MAP3K13: variants seen among roughly 807,000 people sequenced by gnomAD.
MAP3K13 encodes mitogen-activated protein kinase kinase kinase 13, also known as leucine zipper-bearing kinase.
Under a neutral mutation model 104.0 loss-of-function variants are expected in MAP3K13, and 52 were observed. The ratio of observed to expected loss-of-function variants is 0.50; its 90% confidence interval spans 0.40 to 0.63. The LOEUF is 0.63. Ranked by LOEUF, MAP3K13 falls within the 20% of genes least tolerant of loss-of-function variation. The pLI is 0.00. For synonymous variants in MAP3K13, 394 were observed against 442.2 expected (o/e 0.89, Z 1.37); for missense variants, 914 against 1,218.5 (o/e 0.75, Z 3.72).
intron 2 of MAP3K13, among the ~76,000 whole-genome samples, chr3:185,337,026 T>C (rs1722530845): frequency 6.6e-6 from 1 of 152,166 alleles, no homozygotes; most frequent in Non-Finnish European, 1.5e-5. Context: ...AATATACTAC[T>C]TTGAGCATGA....
chr3:185,465,995 A>G, intron 9 of MAP3K13, 132 bp downstream of exon 9: 1 of 723,896 alleles, frequency 1.4e-6, no homozygotes, highest in Non-Finnish European at 2.4e-6. Flanking sequence ...TCCTTCCGGG[A>G]TGTGCTATGC....
intron 1 of MAP3K13, among the ~76,000 whole-genome samples, chr3:185,393,348 A>G (rs1365448912): frequency 6.6e-6 from 1 of 152,248 alleles, no homozygotes; most frequent in Admixed American, 6.5e-5. Flanking sequence ...AAACTAGTCA[A>G]TATCCACAGG....
intron 1 of MAP3K13, among the ~76,000 whole-genome samples, chr3:185,394,510 C>G (rs769636875): frequency 6.6e-6 from 1 of 152,118 alleles, no homozygotes; most frequent in Non-Finnish European, 1.5e-5. Context: ...GAATGAAAGA[C>G]GTATATGTTG....
intron 2 of MAP3K13, among the ~76,000 whole-genome samples, chr3:185,300,315 G>A (rs62288700): frequency 5.4e-5 from 8 of 149,064 alleles, no homozygotes; most frequent in East Asian, 2.0e-4. Context: ...TCAGCCTCCC[G>A]AGTAGCTGGG....
intron 10 of MAP3K13, among the ~76,000 whole-genome samples, chr3:185,472,205 CTTTTTTTTTT>C (rs568380003): frequency 8.4e-6 from 1 of 118,630 alleles, no homozygotes; most frequent in African/African-American, 3.2e-5. Context: ...ATCCCTTCTT[CTTTTTTTTTT>C]TTTTTTTTTT....
intron 1 of MAP3K13, among the ~76,000 whole-genome samples, chr3:185,426,338 C>T (rs935101391): frequency 2.0e-5 from 3 of 152,088 alleles, no homozygotes; most frequent in African/African-American, 7.2e-5. Context: ...CCTTGGCCTC[C>T]GAAAGTTTTG....
chr3:185,431,177 C>T (rs1274130070), intron 2 of MAP3K13, among the ~76,000 whole-genome samples: 1 of 152,172 alleles, frequency 6.6e-6, no homozygotes, highest in East Asian at 1.9e-4. Flanking sequence ...GTGGGAATTA[C>T]AATTCGAGAT....
intron 2 of MAP3K13, among the ~76,000 whole-genome samples, chr3:185,347,380 G>A (rs867271240): frequency 3.9e-5 from 6 of 152,124 alleles, no homozygotes; most frequent in Non-Finnish European, 8.8e-5. Flanking sequence ...ATACTGTTCT[G>A]TGTAGCTTAA....
chr3:185,348,342 A>T (rs1232893880), intron 2 of MAP3K13, among the ~76,000 whole-genome samples: 2 of 152,230 alleles, frequency 1.3e-5, no homozygotes, highest in Non-Finnish European at 2.9e-5. Context: ...AAACACATCT[A>T]AGAAAATGTG....
chr3:185,341,492 C>A (rs919561416), intron 2 of MAP3K13, among the ~76,000 whole-genome samples: 8 of 152,172 alleles, frequency 5.3e-5, no homozygotes, highest in Admixed American at 3.9e-4. Flanking sequence ...TTGTTTTAAG[C>A]CACCAGTTTG....
chr3:185,448,593 G>GTAA (rs1715716968), intron 5 of MAP3K13, among the ~76,000 whole-genome samples: 2 of 152,208 alleles, frequency 1.3e-5, no homozygotes, highest in Admixed American at 1.3e-4. Context: ...AAAATTGCAT[G>GTAA]TAATACCAGA....
chr3:185,372,269 A>AT (rs1724199727), intron 1 of MAP3K13, among the ~76,000 whole-genome samples: 1 of 152,214 alleles, frequency 6.6e-6, no homozygotes, highest in Non-Finnish European at 1.5e-5. Context: ...TCAAGAGCCC[A>AT]TTTACAAAGA....
chr3:185,467,239 C>T (rs1717494969), intron 10 of MAP3K13, among the ~76,000 whole-genome samples: 1 of 152,182 alleles, frequency 6.6e-6, no homozygotes, highest in Non-Finnish European at 1.5e-5. Flanking sequence ...CCTGGACCTG[C>T]CTTATAAGCT....
chr3:185,316,353 T>C (rs1157566477), intron 2 of MAP3K13, among the ~76,000 whole-genome samples: 2 of 152,180 alleles, frequency 1.3e-5, no homozygotes, highest in Admixed American at 6.5e-5. Flanking sequence ...TCAAAAGTTC[T>C]TTTTTGGCTG....
chr3:185,378,391 G>T (rs1319098248), intron 1 of MAP3K13, among the ~76,000 whole-genome samples: 1 of 152,138 alleles, frequency 6.6e-6, no homozygotes, highest in African/African-American at 2.4e-5. Flanking sequence ...AACGCTATCT[G>T]ATTTGGGATA....
intron 2 of MAP3K13, among the ~76,000 whole-genome samples, chr3:185,313,047 A>G (rs1196075918): frequency 6.6e-6 from 1 of 152,044 alleles, no homozygotes; most frequent in East Asian, 2.0e-4. Flanking sequence ...AAAATTAGCC[A>G]GGCGTGGTGG....
chr3:185,398,148 C>T (rs936798915), intron 1 of MAP3K13, among the ~76,000 whole-genome samples: 1 of 152,076 alleles, frequency 6.6e-6, no homozygotes, highest in Middle Eastern at 3.4e-3. Context: ...GAGGAACATT[C>T]GAAAGAGTGT....
At chr3:185,383,525 G>C (rs1401411794) in intron 1 of MAP3K13, among the ~76,000 whole-genome samples, 1 of 147,582 alleles carries the variant, frequency 6.8e-6, no homozygotes, top group Non-Finnish European at 1.5e-5. Context: ...TCGTGCCACT[G>C]CACTCCAGCC....
chr3:185,409,663 A>G (rs9829804), intron 1 of MAP3K13, among the ~76,000 whole-genome samples: 8,923 of 152,228 alleles, frequency 0.059, 419 homozygotes, highest in East Asian at 0.19. Flanking sequence ...GAACCAGTAT[A>G]CTGAAGAGAT....
Sources: allele counts gnomAD v4.1 joint callset (sites outside exome capture counted in the v4.1 genomes callset), GRCh38; gene constraint gnomAD v4.1.1; transcripts MANE v1.5; gene names NCBI Gene and HGNC (gene_info 2026-07-23, HGNC 2026-07-21).